Variants in FAM13B observed in about 807,000 individuals in gnomAD.
FAM13B encodes the protein family with sequence similarity 13 member B.
FAM13B carries 60 observed loss-of-function variants against 117.3 expected under a neutral mutation model. The observed-to-expected ratio is 0.51, with a 90% CI of 0.42 to 0.63. The LOEUF (loss-of-function observed/expected upper bound fraction) is 0.63, where lower values mean the gene tolerates loss of function less well. Among genes scored for constraint, FAM13B ranks in the 30% least tolerant of loss-of-function variants. FAM13B has a pLI of 0.00. For missense variants in FAM13B, 972 were observed against 1,091.9 expected, an observed-to-expected ratio of 0.89 and a Z score of 1.55; for synonymous variants, 332 against 356.1, an observed-to-expected ratio of 0.93 and a Z score of 0.76.
At position 137,959,647 on chromosome 5, in the gene FAM13B, C is replaced by T; in HGVS notation, c.1410G>A (p.Leu470=). The change falls in exon 13 of 24, where the codon CTG becomes CTA. Residue 470 remains leucine, a synonymous_variant. Coordinates refer to ENST00000689681, the MANE Select transcript of FAM13B (RefSeq NM_001385994.1). ...AACVSIPHLD[L]KNVSDGDKWE... is the part of the protein sequence containing the mutation. ...ATTTATCACCATCAGAAACATTCTT[C>T]AGATCTAAATGTGGAATACTGACAC... The T allele has an allele frequency of 1.2e-6, 2 of 1,613,952 alleles. No individual in the cohort carries two copies. Among genetic ancestry groups the T allele is most frequent in the Non-Finnish European group, 1.7e-6 (2 of 1,179,844 alleles).
At chr5:138,049,777 C>T (rs929020831) in intron 1 of FAM13B, among the ~76,000 whole-genome samples, 1 of 152,082 alleles carries the variant, frequency 6.6e-6, no homozygotes, top group Non-Finnish European at 1.5e-5. Flanking sequence ...CCCAAGAAAG[C>T]TTCCAAAACC....
chr5:137,965,121 A>G (rs532890721), intron 10 of FAM13B, among the ~76,000 whole-genome samples: 263 of 152,250 alleles, frequency 1.7e-3, no homozygotes, highest in African/African-American at 6.2e-3. Flanking sequence ...GTGAGTGGAG[A>G]CTGTGCCACT....
intron 1 of FAM13B, among the ~76,000 whole-genome samples, chr5:138,044,802 A>T (rs936562472): frequency 6.6e-6 from 1 of 152,224 alleles, no homozygotes; most frequent in African/African-American, 2.4e-5. Context: ...AAGACAATCT[A>T]ATATGAAATT....
chr5:138,002,716 A>T (rs1333691557), intron 7 of FAM13B, among the ~76,000 whole-genome samples: 1 of 120,606 alleles, frequency 8.3e-6, no homozygotes, highest in Non-Finnish European at 1.6e-5. Context: ...CCCAGGCTGG[A>T]GTGCAGGGGC....
chr5:138,020,944 G>A, intron 2 of FAM13B, 87 bp downstream of exon 2: 2 of 901,766 alleles, frequency 2.2e-6, no homozygotes, highest in Non-Finnish European at 2.9e-6. Context: ...AAAACCTCAA[G>A]TTAAATCAAA....
At chr5:137,990,335 C>A (rs1357097302) in intron 7 of FAM13B, among the ~76,000 whole-genome samples, 1 of 152,156 alleles carries the variant, frequency 6.6e-6, no homozygotes, top group African/African-American at 2.4e-5. Context: ...ACACTCTTAG[C>A]CATTTAATTT....
chr5:138,041,389 G>A (rs1299590109), intron 1 of FAM13B, among the ~76,000 whole-genome samples: 5 of 152,086 alleles, frequency 3.3e-5, no homozygotes, highest in Non-Finnish European at 7.4e-5. Flanking sequence ...GCTTTGTATT[G>A]TTTAAGAGGA....
At chr5:138,039,027 C>T (rs1362522919) in intron 1 of FAM13B, among the ~76,000 whole-genome samples, 1 of 152,202 alleles carries the variant, frequency 6.6e-6, no homozygotes, top group African/African-American at 2.4e-5. Context: ...GAACAATTAA[C>T]AGTAAGTCTC....
At position 137,950,841 on chromosome 5, in the gene FAM13B, T is replaced by C. The variant is rs144991770; in HGVS notation, c.1931-1657A>G. On this transcript the variant is annotated intron_variant, in intron 17 of 23. Coordinates refer to ENST00000689681, the MANE Select transcript of FAM13B (RefSeq NM_001385994.1). Reference sequence around the variant, plus strand: ...AATAATTTTCACTGATGACTGGAAATTGGCATTAAACAAGGAAATCTTTAA... The same window carrying C: ...AATAATTTTCACTGATGACTGGAAACTGGCATTAAACAAGGAAATCTTTAA... 4.7e-4 allele frequency among the ~76,000 whole-genome samples: 71 copies of C among 152,228 alleles called. No homozygotes were observed. The East Asian group carries it at 9.6e-3, about 21-fold the overall frequency.
intron 1 of FAM13B, among the ~76,000 whole-genome samples, chr5:138,040,861 C>T (rs1005005969): frequency 4.6e-5 from 7 of 151,704 alleles, no homozygotes; most frequent in African/African-American, 7.3e-5. Context: ...GTCAGGAGTT[C>T]GAGACCAGCC....
chr5:138,024,829 AG>A (rs1343861175), intron 1 of FAM13B, among the ~76,000 whole-genome samples: 49 of 150,530 alleles, frequency 3.3e-4, no homozygotes, highest in East Asian at 9.8e-4. Context: ...AGAGAGAGAG[AG>A]AGAGAAAGAG....
intron 7 of FAM13B, among the ~76,000 whole-genome samples, chr5:138,000,261 T>C (rs1780884740): frequency 6.6e-6 from 1 of 152,066 alleles, no homozygotes; most frequent in Non-Finnish European, 1.5e-5. Context: ...TAGTCAGGCA[T>C]GGTGCTGCAT....
intron 1 of FAM13B, among the ~76,000 whole-genome samples, chr5:138,027,373 G>A (rs1426909433): frequency 6.6e-6 from 1 of 152,142 alleles, no homozygotes; most frequent in Non-Finnish European, 1.5e-5. Context: ...CAATAAAGAT[G>A]ATAGAGATTT....
chr5:137,949,651 G>A (rs1002595508), intron 17 of FAM13B, among the ~76,000 whole-genome samples: 1 of 152,048 alleles, frequency 6.6e-6, no homozygotes, highest in Non-Finnish European at 1.5e-5. Flanking sequence ...GTGGTGTCAT[G>A]TGCCTGTACC....
chr5:138,027,449 T>C (rs1056541074), intron 1 of FAM13B, among the ~76,000 whole-genome samples: 1 of 152,190 alleles, frequency 6.6e-6, no homozygotes, highest in Admixed American at 6.5e-5. Context: ...GAAAATAAAC[T>C]TATGCCTGCT....
intron 1 of FAM13B, among the ~76,000 whole-genome samples, chr5:138,029,417 C>T (rs1789323313): frequency 6.6e-6 from 1 of 152,178 alleles, no homozygotes; most frequent in Non-Finnish European, 1.5e-5. Context: ...AAATGTTTTG[C>T]AGTTGCTGGC....
chr5:138,017,103 T>C (rs1055337032), intron 4 of FAM13B, among the ~76,000 whole-genome samples: 1 of 152,218 alleles, frequency 6.6e-6, no homozygotes, highest in Non-Finnish European at 1.5e-5. Flanking sequence ...CATTTCGTTT[T>C]AAAACCTGTT....
intron 1 of FAM13B, among the ~76,000 whole-genome samples, chr5:138,041,737 AACCAGCCTGGG>A (rs1417848023): frequency 3.9e-4 from 59 of 151,696 alleles, no homozygotes; most frequent in Non-Finnish European, 7.2e-4. Context: ...AGGAGTTTGA[AACCAGCCTGGG>A]CAACATAGCA....
At chr5:137,956,082 ATTTAG>A (rs1448655349) in intron 14 of FAM13B, among the ~76,000 whole-genome samples, 1 of 152,162 alleles carries the variant, frequency 6.6e-6, no homozygotes, top group Non-Finnish European at 1.5e-5. Context: ...TGCTTTAGTA[ATTTAG>A]TTTAACTTTA....
Sources: gnomAD v4.1 joint callset for allele counts (sites outside exome capture counted in the v4.1 genomes callset) on GRCh38, gnomAD v4.1.1 for gene constraint, MANE v1.5 for transcripts, NCBI Gene and HGNC (gene_info 2026-07-23, HGNC 2026-07-21) for gene names.